The following SPTBN1 variants were observed in gnomAD, a reference collection of about 807,000 sequenced individuals.
SPTBN1 encodes the protein spectrin beta chain, non-erythrocytic 1.
SPTBN1 carries 32 observed loss-of-function variants against 266.4 expected under a neutral mutation model. The ratio of observed to expected loss-of-function variants is 0.12; its 90% CI spans 0.09 to 0.16. SPTBN1 has a LOEUF of 0.16. SPTBN1 is among the 10% of genes least tolerant of loss of function. SPTBN1 has a pLI of 1.00. For synonymous variants in SPTBN1, 1,336 were observed against 1,162.2 expected (o/e 1.15, Z -3.04); for missense variants, 2,296 against 3,067.1 (o/e 0.75, Z 5.94).
intron 2 of SPTBN1, among the ~76,000 whole-genome samples, chr2:54,571,574 CAT>C (rs146083631): frequency 0.16 from 5,237 of 32,934 alleles, 259 homozygotes; most frequent in African/African-American, 0.31. Flanking sequence ...CACACACACA[CAT>C]ACACACACAC....
At chr2:54,524,228 T>C (rs1670663082) in intron 1 of SPTBN1, among the ~76,000 whole-genome samples, 1 of 152,154 alleles carries the variant, frequency 6.6e-6, no homozygotes, top group South Asian at 2.1e-4. Context: ...ATTTATTTTT[T>C]TTCTTGGGAT....
intron 4 of SPTBN1, among the ~76,000 whole-genome samples, chr2:54,613,710 TCC>T (rs1677382795): frequency 6.6e-6 from 1 of 152,196 alleles, no homozygotes; most frequent in Non-Finnish European, 1.5e-5. Flanking sequence ...AGGACATTTT[TCC>T]CCAGATAGAA....
At chr2:54,501,445 C>T (rs1244239161) in intron 1 of SPTBN1, among the ~76,000 whole-genome samples, 1 of 152,170 alleles carries the variant, frequency 6.6e-6, no homozygotes, top group East Asian at 1.9e-4. Context: ...TTCCTTCTCC[C>T]TTTTAGGGAA....
chr2:54,495,095 C>T (rs545928260), intron 1 of SPTBN1, among the ~76,000 whole-genome samples: 2 of 152,078 alleles, frequency 1.3e-5, no homozygotes, highest in African/African-American at 4.8e-5. Flanking sequence ...CAATGAAGAC[C>T]CCCTGGAGGA....
intron 1 of SPTBN1, among the ~76,000 whole-genome samples, chr2:54,499,402 T>C (rs1669135970): frequency 6.6e-6 from 1 of 152,204 alleles, no homozygotes; most frequent in South Asian, 2.1e-4. Flanking sequence ...CCAACATTCA[T>C]GTAGTACTAA....
chr2:54,489,877 T>G (rs913858769), intron 1 of SPTBN1, among the ~76,000 whole-genome samples: 1 of 152,208 alleles, frequency 6.6e-6, no homozygotes, highest in African/African-American at 2.4e-5. Flanking sequence ...GATATAATCT[T>G]CCTAATGTGG....
At chr2:54,598,056 G>A (rs1345000007) in intron 2 of SPTBN1, among the ~76,000 whole-genome samples, 1 of 152,130 alleles carries the variant, frequency 6.6e-6, no homozygotes, top group Non-Finnish European at 1.5e-5. Flanking sequence ...GTGGATGTCT[G>A]TTGAAGGTCT....
At position 54,668,719 on chromosome 2, in the gene SPTBN1, G is replaced by T. The variant is rs1393399080; in HGVS notation, c.*150G>T. On this transcript the variant is annotated 3_prime_UTR_variant, in exon 36 of 36. Transcript: ENST00000356805. ...TTAATTTATAGAGCATTTCGGGGGGGGTGGGGGAAACACACCTAAACACTT... is the reference window on the plus strand; with the variant it reads ...TTAATTTATAGAGCATTTCGGGGGGTGTGGGGGAAACACACCTAAACACTT... 3.0e-6 allele frequency: 2 copies of T among 673,660 alleles called. No homozygotes were observed. Among genetic ancestry groups the T allele is most frequent in the Non-Finnish European group, 4.6e-6 (2 of 430,410 alleles). The allele number at this position is 673,660 out of a possible 1,614,324, so 41.7% of individuals were successfully genotyped here. A position where few individuals can be genotyped will look rare whatever the true frequency, so the allele number is the denominator to read the frequency against.
At position 54,558,969 on chromosome 2, in the gene SPTBN1, C is replaced by A; in HGVS notation, c.148+32403C>A. On this transcript the variant is annotated intron_variant, in intron 2 of 35. Transcript: ENST00000356805. The surrounding 1 kb of genome is among the most constrained non-coding windows in gnomAD (Gnocchi z 4.6). Reference sequence around the variant, plus strand: ...GCTTTATTTGTGACCCTAATGAAGACGGGCGGCTTCACAGCTCGGCCCCAG... The same window carrying A: ...GCTTTATTTGTGACCCTAATGAAGAAGGGCGGCTTCACAGCTCGGCCCCAG... The A allele has an allele frequency of 6.7e-7, 1 of 1,501,234 alleles. No homozygotes were observed. The highest frequency in any genetic ancestry group is 1.4e-5 in the African/African-American group (1 of 71,544). The allele number at this position is 1,501,234 out of a possible 1,614,324, so 93.0% of individuals were successfully genotyped here. A position where few individuals can be genotyped will look rare whatever the true frequency, so the allele number is the denominator to read the frequency against.
intron 3 of SPTBN1, among the ~76,000 whole-genome samples, chr2:54,607,504 C>T (rs1215397110): frequency 1.3e-5 from 2 of 152,104 alleles, no homozygotes; most frequent in African/African-American, 4.8e-5. Flanking sequence ...GTGCCTATAA[C>T]CCCGCTACTT....
chr2:54,559,392 A>T (rs1456073979), intron 2 of SPTBN1, among the ~76,000 whole-genome samples: 8 of 152,100 alleles, frequency 5.3e-5, no homozygotes, highest in Non-Finnish European at 8.8e-5. Flanking sequence ...CTTAATTTTA[A>T]TTTTTCTGAT....
At chr2:54,536,149 C>T (rs995892687) in intron 2 of SPTBN1, among the ~76,000 whole-genome samples, 2 of 152,212 alleles carry the variant, frequency 1.3e-5, no homozygotes, top group Admixed American at 1.3e-4. Flanking sequence ...ATTAAATTCA[C>T]TTACACAGTT....
At position 54,641,558 on chromosome 2, in the gene SPTBN1, CTAAT is replaced by C. The variant is rs568382664; in HGVS notation, c.3859-1424_3859-1421del. On this transcript the variant is annotated intron_variant, in intron 18 of 35. Coordinates refer to ENST00000356805, the MANE Select transcript of SPTBN1 (RefSeq NM_003128.3). Reference sequence around the variant, plus strand: ...AGTAGGAAGTGCGTGCCTTTATTGTCTAATAGATCCATGGTCTTTGATGACAAAG... The same window carrying C: ...AGTAGGAAGTGCGTGCCTTTATTGTCAGATCCATGGTCTTTGATGACAAAG... 5.8e-3 allele frequency among the ~76,000 whole-genome samples: 891 copies of C among 152,326 alleles called. 2 individuals are homozygous for C. The highest frequency in any genetic ancestry group is 8.1e-3 in the Non-Finnish European group (548 of 68,028).
chr2:54,584,119 T>A (rs1675127476), intron 2 of SPTBN1, among the ~76,000 whole-genome samples: 1 of 152,222 alleles, frequency 6.6e-6, no homozygotes, highest in Non-Finnish European at 1.5e-5. Context: ...ATTCGTAGGA[T>A]CATACTGAAT....
intron 3 of SPTBN1, among the ~76,000 whole-genome samples, chr2:54,611,599 A>T (rs1677219249): frequency 6.6e-6 from 1 of 151,986 alleles, no homozygotes; most frequent in South Asian, 2.1e-4. Context: ...CACTACACTC[A>T]TTTTTTTCCC....
At chr2:54,574,324 C>T (rs1477838573) in intron 2 of SPTBN1, among the ~76,000 whole-genome samples, 3 of 152,138 alleles carry the variant, frequency 2.0e-5, no homozygotes, top group South Asian at 2.1e-4. Context: ...CTGTTGACCA[C>T]GCCCTAGCAT....
At chr2:54,506,261 A>G (rs1669550515) in intron 1 of SPTBN1, among the ~76,000 whole-genome samples, 1 of 152,180 alleles carries the variant, frequency 6.6e-6, no homozygotes, top group Admixed American at 6.5e-5. Flanking sequence ...GGTTGTGAGG[A>G]AAGGGCTGAC....
At chr2:54,465,639 CATAT>C (rs70944167) in intron 1 of SPTBN1, among the ~76,000 whole-genome samples, 1,605 of 116,254 alleles carry the variant, frequency 0.014, 38 homozygotes, top group East Asian at 0.031. Flanking sequence ...ATGTTTATCT[CATAT>C]ATATATATAT....
At chr2:54,517,369 ATAT>A (rs915958263) in intron 1 of SPTBN1, among the ~76,000 whole-genome samples, 6 of 150,752 alleles carry the variant, frequency 4.0e-5, no homozygotes, top group African/African-American at 1.5e-4. Context: ...ATATTTCATA[ATAT>A]TAACAGCTCA....
Sources: allele counts gnomAD v4.1 joint callset (sites outside exome capture counted in the v4.1 genomes callset), GRCh38; gene constraint gnomAD v4.1.1; non-coding constraint Gnocchi (gnomAD v3.1); transcripts MANE v1.5; gene names NCBI Gene and HGNC (gene_info 2026-07-23, HGNC 2026-07-21).